The following RAPGEF4 variants were observed in gnomAD, a reference collection of about 807,000 sequenced individuals.
RAPGEF4 encodes the protein RAP guanine-nucleotide-exchange factor (GEF) 4.
In RAPGEF4, 66 loss-of-function variants were observed where a neutral mutation model predicts 147.9. That is an observed-to-expected ratio of 0.45 (90% CI 0.37 to 0.55). The LOEUF (loss-of-function observed/expected upper bound fraction) is 0.55, where lower values mean the gene tolerates loss of function less well. Among genes scored for constraint, RAPGEF4 ranks in the 20% least tolerant of loss-of-function variants. RAPGEF4 has a pLI of 0.00. For synonymous variants in RAPGEF4, 419 were observed against 442.7 expected, an observed-to-expected ratio of 0.95 and a Z score of 0.67; for missense variants, 1,071 against 1,257.3, an observed-to-expected ratio of 0.85 and a Z score of 2.24.
At chr2:172,944,933 T>C (rs1173662187) in intron 6 of RAPGEF4, among the ~76,000 whole-genome samples, 1 of 152,220 alleles carries the variant, frequency 6.6e-6, no homozygotes, top group Non-Finnish European at 1.5e-5. Flanking sequence ...AATGCCAGGT[T>C]TCTAAAGTAT....
intron 6 of RAPGEF4, among the ~76,000 whole-genome samples, chr2:172,943,579 A>G (rs1238252575): frequency 6.6e-6 from 1 of 152,218 alleles, no homozygotes; most frequent in Non-Finnish European, 1.5e-5. Flanking sequence ...GGAGAAATCC[A>G]CAAACCTTCC....
intron 4 of RAPGEF4, among the ~76,000 whole-genome samples, chr2:172,841,135 T>A (rs543177295): frequency 6.6e-6 from 1 of 152,230 alleles, no homozygotes; most frequent in African/African-American, 2.4e-5. Flanking sequence ...TTGATCTCAC[T>A]GTTGGAGGTG....
At chr2:172,750,117 A>G (rs1695134746) in intron 1 of RAPGEF4, among the ~76,000 whole-genome samples, 1 of 152,048 alleles carries the variant, frequency 6.6e-6, no homozygotes, top group Non-Finnish European at 1.5e-5. Flanking sequence ...TCTTCTTCTG[A>G]GCCCTCCAAA....
At chr2:172,811,619 A>G (rs1688032736) in intron 3 of RAPGEF4, among the ~76,000 whole-genome samples, 1 of 152,216 alleles carries the variant, frequency 6.6e-6, no homozygotes, top group Admixed American at 6.5e-5. Context: ...TTACATCCAG[A>G]AACAGACACT....
chr2:172,789,512 G>T (rs1685589514), intron 1 of RAPGEF4, among the ~76,000 whole-genome samples: 1 of 152,172 alleles, frequency 6.6e-6, no homozygotes. Flanking sequence ...ATTTTTAAGT[G>T]TAGGATATAT....
At chr2:172,931,006 A>G (rs1685862318) in intron 6 of RAPGEF4, among the ~76,000 whole-genome samples, 1 of 152,044 alleles carries the variant, frequency 6.6e-6, no homozygotes, top group South Asian at 2.1e-4. Flanking sequence ...CATTGTTACA[A>G]TCCATGTCCC....
intron 4 of RAPGEF4, among the ~76,000 whole-genome samples, chr2:172,823,121 C>A (rs193088480): frequency 1.3e-5 from 2 of 152,190 alleles, no homozygotes; most frequent in South Asian, 4.1e-4. Context: ...CCACCAAGGG[C>A]CTCGTTTCAT....
At chr2:172,966,105 C>T (rs768243072) in intron 9 of RAPGEF4, among the ~76,000 whole-genome samples, 3 of 152,074 alleles carry the variant, frequency 2.0e-5, no homozygotes, top group Non-Finnish European at 4.4e-5. Context: ...TTAATTGTGC[C>T]GCTGTCTGGG....
chr2:172,870,397 A>T (rs1695108096), intron 4 of RAPGEF4, among the ~76,000 whole-genome samples: 1 of 152,094 alleles, frequency 6.6e-6, no homozygotes, highest in African/African-American at 2.4e-5. Flanking sequence ...TTGAATAAGG[A>T]CCCAACTAAA....
chr2:172,885,003 C>G (rs1697023181), intron 4 of RAPGEF4, among the ~76,000 whole-genome samples: 1 of 152,224 alleles, frequency 6.6e-6, no homozygotes, highest in African/African-American at 2.4e-5. Context: ...CAGTGGACTG[C>G]CCCCTGTCCC....
rs150214674 is a variant in RAPGEF4 at position 173,025,188 on chromosome 2, G to C, written c.2254-1384G>C. ...GACCAGCAGCAGATGCTGCCTCTGT[G>C]GAGTGCTGTATGGGCCAGACAGGGT... On this transcript the variant is annotated intron_variant, in intron 23 of 30. Transcript: ENST00000397081. Among the ~76,000 whole-genome samples the C allele has an allele frequency of 7.9e-4, 120 of 152,328 alleles. 1 individual carries two copies. In the East Asian group the frequency reaches 0.02, roughly 25 times the overall value.
chr2:173,042,878 G>A lies in RAPGEF4; in HGVS notation c.2854-5722G>A, dbSNP rs1001200738. 2.6e-5 allele frequency among the ~76,000 whole-genome samples: 4 copies of A among 152,130 alleles called. No homozygotes were observed. The highest frequency in any genetic ancestry group is 4.8e-5 in the African/African-American group (2 of 41,410). ...ATGGTCATCATATATACCACATACC[G>A]TAAGCATCATGCATGTGTTACACAT... is the stretch of plus-strand genomic sequence containing the variant. On this transcript the variant is annotated intron_variant, in intron 29 of 30. Transcript: ENST00000397081. The surrounding 1 kb of genome is among the most constrained non-coding windows in gnomAD (Gnocchi z 4.2).
chr2:172,918,767 CTT>C (rs1436398257), intron 5 of RAPGEF4, among the ~76,000 whole-genome samples: 1 of 152,136 alleles, frequency 6.6e-6, no homozygotes, highest in Non-Finnish European at 1.5e-5. Flanking sequence ...GTCCTGGAGT[CTT>C]TGGAGCTATA....
At chr2:172,846,937 A>G (rs1040332638) in intron 4 of RAPGEF4, among the ~76,000 whole-genome samples, 21 of 152,148 alleles carry the variant, frequency 1.4e-4, no homozygotes, top group African/African-American at 5.1e-4. Context: ...GCCTGTTTGC[A>G]TGTCTCTCCT....
chr2:172,824,497 A>C (rs990220067), intron 4 of RAPGEF4, among the ~76,000 whole-genome samples: 4 of 152,212 alleles, frequency 2.6e-5, no homozygotes, highest in Non-Finnish European at 5.9e-5. Context: ...TTCCTAGTGT[A>C]GTTTGTCCTT....
chr2:172,746,714 G>A (rs1018932227), intron 1 of RAPGEF4, among the ~76,000 whole-genome samples: 3 of 151,906 alleles, frequency 2.0e-5, no homozygotes, highest in Non-Finnish European at 4.4e-5. Flanking sequence ...CCGGGTTCAA[G>A]CAATTCTCCT....
chr2:172,879,130 G>T (rs1696315457), intron 4 of RAPGEF4, among the ~76,000 whole-genome samples: 1 of 152,112 alleles, frequency 6.6e-6, no homozygotes, highest in East Asian at 1.9e-4. Flanking sequence ...AGTATTGTTT[G>T]CTATAGCCAA....
At chr2:172,932,522 C>A (rs1686099213) in intron 6 of RAPGEF4, among the ~76,000 whole-genome samples, 1 of 152,198 alleles carries the variant, frequency 6.6e-6, no homozygotes, top group South Asian at 2.1e-4. Flanking sequence ...TTAATAGTTA[C>A]AATGTTATAT....
intron 4 of RAPGEF4, among the ~76,000 whole-genome samples, chr2:172,883,099 T>A (rs1280541197): frequency 4.5e-5 from 6 of 133,836 alleles, no homozygotes; most frequent in African/African-American, 1.5e-4. Context: ...TTAATATGTG[T>A]TAAAAAAAAA....
Sources: allele counts gnomAD v4.1 joint callset (sites outside exome capture counted in the v4.1 genomes callset), GRCh38; gene constraint gnomAD v4.1.1; non-coding constraint Gnocchi (gnomAD v3.1); transcripts MANE v1.5; gene names NCBI Gene and HGNC (gene_info 2026-07-23, HGNC 2026-07-21).